Variants in EVL observed in about 807,000 individuals in gnomAD.
EVL encodes ena/VASP-like protein.
Under a neutral mutation model 59.6 loss-of-function variants are expected in EVL, and 21 were observed. The observed-to-expected ratio is 0.35, with a 90% CI of 0.25 to 0.51. The LOEUF is 0.51. Ranked by LOEUF, EVL falls within the 20% of genes least tolerant of loss-of-function variation. EVL has a pLI of 0.97. For synonymous variants in EVL, 198 were observed against 203.5 expected (o/e 0.97, Z 0.23); for missense variants, 462 against 546.6 (o/e 0.85, Z 1.54).
chr14:100,041,884 T>A (rs1453678387), intron 1 of EVL, among the ~76,000 whole-genome samples: 2 of 152,192 alleles, frequency 1.3e-5, no homozygotes, highest in Non-Finnish European at 2.9e-5. Context: ...AAGAAAACAT[T>A]TCTAAGGTGG....
intron 3 of EVL, among the ~76,000 whole-genome samples, chr14:100,122,681 C>T (rs984855953): frequency 7.2e-5 from 11 of 152,216 alleles, no homozygotes; most frequent in African/African-American, 1.9e-4. Flanking sequence ...AGTCCCTCTC[C>T]CAGTCACTGC....
At chr14:100,048,203 T>A (rs772686779) in intron 1 of EVL, among the ~76,000 whole-genome samples, 1 of 152,210 alleles carries the variant, frequency 6.6e-6, no homozygotes, top group Non-Finnish European at 1.5e-5. Flanking sequence ...AAGGATACTT[T>A]TATAAGAATG....
At chr14:100,107,276 C>A in intron 3 of EVL, 1 of 398,670 alleles carries the variant, frequency 2.5e-6, no homozygotes, top group Non-Finnish European at 4.4e-6. Flanking sequence ...GAGGCAAGAC[C>A]CCAAGCTGAT....
chr14:100,129,512 C>T (rs766079655), intron 6 of EVL, 51 bp from the exon 7 acceptor site: 1 of 1,609,664 alleles, frequency 6.2e-7, no homozygotes, highest in East Asian at 2.2e-5. Context: ...GTTGCTGCTC[C>T]TGTTCTGCCA....
chr14:100,097,338 C>T lies in EVL; in HGVS notation c.181-143C>T, dbSNP rs546431014. On this transcript the variant is annotated intron_variant, in intron 2 of 13. Transcript: ENST00000392920. Reference sequence around the variant, plus strand: ...TATAGATTATGGTCTGAAAGTCTACCTGATATTGCTTTTCCCTTCTTCAAA... The same window carrying T: ...TATAGATTATGGTCTGAAAGTCTACTTGATATTGCTTTTCCCTTCTTCAAA... 123 of 683,384 alleles carry T rather than the reference C, an allele frequency of 1.8e-4. 1 individual carries two copies. In the South Asian group the frequency reaches 2.4e-3, roughly 14 times the overall value. 42.3% of individuals were successfully genotyped at this position (683,384 alleles called of 1,614,324 possible).
At chr14:100,041,952 C>T (rs2061473507) in intron 1 of EVL, among the ~76,000 whole-genome samples, 1 of 152,076 alleles carries the variant, frequency 6.6e-6, no homozygotes, top group South Asian at 2.1e-4. Flanking sequence ...TCTCTGAAGC[C>T]ACACTGCCCA....
intron 8 of EVL, 43 bp from the exon 9 acceptor site, chr14:100,135,862 C>T: frequency 6.3e-7 from 1 of 1,594,346 alleles, no homozygotes; most frequent in African/African-American, 1.3e-5. Flanking sequence ...TGCCCTGGCC[C>T]CAGGTGGCCT....
At chr14:100,006,394 C>T (rs2060982183) in intron 1 of EVL, among the ~76,000 whole-genome samples, 1 of 151,176 alleles carries the variant, frequency 6.6e-6, no homozygotes. Flanking sequence ...AAGCAATTCT[C>T]CTGCGTCAGC....
chr14:100,075,985 A>G (rs1394066936), intron 1 of EVL, among the ~76,000 whole-genome samples: 2 of 152,198 alleles, frequency 1.3e-5, no homozygotes, highest in Non-Finnish European at 2.9e-5. Context: ...GCTGAGCCAT[A>G]TGCCTGTTAG....
rs530824331 is a variant in EVL at position 99,973,783 on chromosome 14, C to T, written c.5+1726C>T. ...TAGTTTCCTGTAAAATATTAGAAAG[C>T]TTACATGTGTTTTCCCTTTTACATT... On this transcript the variant is annotated intron_variant, in intron 1 of 13. Coordinates refer to the EVL transcript ENST00000402714. Among the ~76,000 whole-genome samples, 3 of 152,276 alleles carry T rather than the reference C, an allele frequency of 2.0e-5. No homozygotes were observed. The East Asian group carries it at 5.8e-4, about 29-fold the overall frequency.
intron 2 of EVL, among the ~76,000 whole-genome samples, chr14:100,093,843 C>T (rs1301819440): frequency 6.6e-6 from 1 of 152,152 alleles, no homozygotes; most frequent in African/African-American, 2.4e-5. Flanking sequence ...TACCCAAGAT[C>T]CACTGCAGGC....
chr14:100,123,497 T>C, intron 3 of EVL, 42 bp from the exon 4 acceptor site: 1 of 1,609,788 alleles, frequency 6.2e-7, no homozygotes, highest in South Asian at 1.1e-5. Flanking sequence ...CTGGGGCCTT[T>C]CTTCCTCTAA....
At chr14:100,059,933 T>C (rs1039656291) in intron 1 of EVL, among the ~76,000 whole-genome samples, 2 of 152,100 alleles carry the variant, frequency 1.3e-5, no homozygotes, top group Non-Finnish European at 2.9e-5. Context: ...CATACAATCA[T>C]AAGTTAGTAG....
At chr14:100,026,651 T>C (rs546281942) in intron 1 of EVL, among the ~76,000 whole-genome samples, 66 of 152,314 alleles carry the variant, frequency 4.3e-4, no homozygotes, top group African/African-American at 1.4e-3. Flanking sequence ...GTGTAGTGCT[T>C]ACTACTGTGT....
At chr14:99,981,842 C>G (rs776576511) in intron 1 of EVL, among the ~76,000 whole-genome samples, 1 of 152,172 alleles carries the variant, frequency 6.6e-6, no homozygotes, top group Admixed American at 6.5e-5. Flanking sequence ...TGCTACAAAC[C>G]TTCAATTGGT....
intron 3 of EVL, among the ~76,000 whole-genome samples, chr14:100,103,772 A>G (rs1230480087): frequency 2.0e-5 from 3 of 152,126 alleles, no homozygotes; most frequent in Admixed American, 2.0e-4. Flanking sequence ...CTGGATCCCC[A>G]TTGGATCCCA....
chr14:100,008,048 C>T (rs1398538951), intron 1 of EVL, among the ~76,000 whole-genome samples: 1 of 152,174 alleles, frequency 6.6e-6, no homozygotes, highest in South Asian at 2.1e-4. Context: ...TATCTCCAGA[C>T]GTTGCCAAAT....
chr14:99,987,525 C>G (rs1415001132), intron 1 of EVL, among the ~76,000 whole-genome samples: 1 of 152,122 alleles, frequency 6.6e-6, no homozygotes, highest in Non-Finnish European at 1.5e-5. Flanking sequence ...GCCTGTAATC[C>G]CAGCTACTTG....
chr14:100,014,865 C>T (rs2061039365), intron 1 of EVL, among the ~76,000 whole-genome samples: 1 of 152,190 alleles, frequency 6.6e-6, no homozygotes, highest in African/African-American at 2.4e-5. Flanking sequence ...TATTACCGCT[C>T]AGCCCCCTGG....
Sources: allele counts gnomAD v4.1 joint callset (sites outside exome capture counted in the v4.1 genomes callset), GRCh38; gene constraint gnomAD v4.1.1; transcripts MANE v1.5; gene names NCBI Gene and HGNC (gene_info 2026-07-23, HGNC 2026-07-21).